Variants in BOD1L1 observed in about 807,000 individuals in gnomAD.
The protein encoded by BOD1L1 is biorientation of chromosomes in cell division protein 1-like 1.
BOD1L1 carries 86 observed loss-of-function variants against 240.7 expected under a neutral mutation model. That is an observed-to-expected ratio of 0.36 (90% confidence interval 0.30 to 0.43). The LOEUF is 0.43. Among genes scored for constraint, BOD1L1 ranks in the 20% least tolerant of loss-of-function variants. The probability of loss-of-function intolerance (pLI) is 1.00; values close to 1 mark genes in which losing one functional copy is unlikely to be tolerated. For missense variants in BOD1L1, 3,554 were observed against 3,643.5 expected (o/e 0.98, Z 0.63); for synonymous variants, 1,268 against 1,272.3 (o/e 1.00, Z 0.07).
chr4:13,619,624 G>T (rs144674123), intron 2 of BOD1L1, among the ~76,000 whole-genome samples: 1 of 152,314 alleles, frequency 6.6e-6, no homozygotes, highest in Non-Finnish European at 1.5e-5. Flanking sequence ...TTAGGGTCAA[G>T]AAAATAGTTG....
chr4:13,572,055 A>G (rs1040916809), intron 25 of BOD1L1, among the ~76,000 whole-genome samples: 1 of 152,256 alleles, frequency 6.6e-6, no homozygotes, highest in Admixed American at 6.5e-5. Context: ...ACAAATTCCT[A>G]TCTCAAGAAA....
Position 13,619,875 on chromosome 4 carries a change from C to T in BOD1L1, c.368+68G>A. On this transcript the variant is annotated intron_variant, in intron 2 of 25. Coordinates refer to ENST00000040738, the MANE Select transcript of BOD1L1 (RefSeq NM_148894.3). ...TAGGTGAACAAATATGTATGTAATG[C>T]CTCCGCTTTCAGGCAAAGTAGGTTA... The T allele has an allele frequency of 2.6e-6, 4 of 1,538,476 alleles. No individual in the cohort carries two copies. The South Asian group carries it at 3.6e-5, about 14-fold the overall frequency.
chr4:13,589,129 T>C (rs1204028132), intron 14 of BOD1L1, among the ~76,000 whole-genome samples: 1 of 152,188 alleles, frequency 6.6e-6, no homozygotes, highest in African/African-American at 2.4e-5. Flanking sequence ...TTAAGAAGCA[T>C]CACTGAAAAT....
At position 13,570,078 on chromosome 4, in the gene BOD1L1, G is replaced by A; in HGVS notation, c.9089C>T (p.Pro3030Leu). Residue 3030 changes from proline to leucine, a missense_variant, in exon 26 of 26, where the codon CCT (proline) becomes CTT (leucine). By Grantham distance (98) the Pro-to-Leu change is moderately conservative. This residue lies in a region of BOD1L1 where 3,393 missense variants were observed against 3,427.1 expected (regional missense o/e 0.99). Transcript: ENST00000040738. ...CTGGCCTCTTGTTCGGGCCCCAGGA[G>A]GGCTGACTTCTCTCTTGCGCTTGAT... Reference protein sequence around the residue: ...PSIKRKREVSPPGARTRGQQR... With the variant: ...PSIKRKREVSLPGARTRGQQR... 2 of 1,605,778 alleles carry A rather than the reference G, an allele frequency of 1.2e-6. No homozygotes were observed. The highest frequency in any genetic ancestry group is 1.7e-6 in the Non-Finnish European group (2 of 1,176,676).
intron 25 of BOD1L1, among the ~76,000 whole-genome samples, chr4:13,574,409 G>A (rs1215177729): frequency 2.0e-5 from 3 of 152,168 alleles, no homozygotes; most frequent in African/African-American, 7.2e-5. Context: ...CAACTCATTT[G>A]TAAATCAAAA....
At chr4:13,616,968 C>T (rs1038031894) in intron 2 of BOD1L1, among the ~76,000 whole-genome samples, 5 of 152,042 alleles carry the variant, frequency 3.3e-5, no homozygotes, top group African/African-American at 9.7e-5. Flanking sequence ...CAAAAAGGAC[C>T]GGGCATGGTG....
chr4:13,627,483 G>A lies in BOD1L1; in HGVS notation c.105C>T (p.Gly35=), dbSNP rs1014292958. The A allele has an allele frequency of 2.5e-4, 252 of 1,010,260 alleles. 1 individual carries two copies. The highest frequency in any genetic ancestry group is 2.9e-4 in the Non-Finnish European group (246 of 849,652). The allele number at this position is 1,010,260 out of a possible 1,614,324, so 62.6% of individuals were successfully genotyped here. Residue 35 remains glycine, a synonymous_variant, in exon 1 of 26, where the codon GGC becomes GGT. Transcript: ENST00000040738. Reference sequence around the variant, plus strand: ...CGCCGCCCGCCCCGCCCGCGCCGGGGCCAGCCCCGGGGCCCGGCGGCGGCG... The same window carrying A: ...CGCCGCCCGCCCCGCCCGCGCCGGGACCAGCCCCGGGGCCCGGCGGCGGCG... ...PPPPPPGPGA[G]PGAGGAGGAG...
chr4:13,601,624 C>G lies in BOD1L1; in HGVS notation c.5276G>C (p.Gly1759Ala), dbSNP rs754702803. ...TGCATCATTATCTCCCAGGACAACA[C>G]CTGCACCTGTAACCATGCGTTCCTC... ...PREERMVTGA[G>A]VVLGDNDAPP... The change falls in exon 10 of 26, where the codon GGT becomes GCT. Residue 1759 changes from glycine to alanine, a missense_variant. Transcript: ENST00000040738. 1.9e-6 allele frequency: 3 copies of G among 1,613,890 alleles called. No homozygotes were observed. Among genetic ancestry groups the G allele is most frequent in the Non-Finnish European group, 2.5e-6 (3 of 1,179,904 alleles).
At chr4:13,617,465 G>A (rs537576307) in intron 2 of BOD1L1, among the ~76,000 whole-genome samples, 7 of 152,230 alleles carry the variant, frequency 4.6e-5, no homozygotes, top group African/African-American at 1.4e-4. Context: ...ACTGCACTTA[G>A]CGGCCATAAC....
At chr4:13,626,487 A>G (rs758782366) in intron 1 of BOD1L1, among the ~76,000 whole-genome samples, 10 of 152,146 alleles carry the variant, frequency 6.6e-5, no homozygotes, top group Admixed American at 2.6e-4. Flanking sequence ...TTTTCCATCC[A>G]TCTCACTGAC....
At chr4:13,586,508 A>ACAAAAGCTAAAT (rs766989818) in intron 16 of BOD1L1, 33 bp from the exon 17 acceptor site, 1 of 1,424,352 alleles carries the variant, frequency 7.0e-7, no homozygotes, top group Admixed American at 1.8e-5. Flanking sequence ...TCACAAAGGA[A>ACAAAAGCTAAAT]CAAAAGCTAA....
At position 13,604,761 on chromosome 4, in the gene BOD1L1, C is replaced by G; in HGVS notation, c.2139G>C (p.Leu713Phe). The change falls in exon 10 of 26, where the codon TTG becomes TTC. Residue 713 changes from leucine to phenylalanine, a missense_variant. Leu to Phe is a conservative substitution (Grantham distance 22, BLOSUM62 0). This residue lies in a region of BOD1L1 where 3,393 missense variants were observed against 3,427.1 expected (regional missense o/e 0.99). Coordinates refer to ENST00000040738, the MANE Select transcript of BOD1L1 (RefSeq NM_148894.3). ...LKKDDSETPH[L>F]KSLLKKEVKS... The stretch of plus-strand genomic sequence containing the variant: ...TCACCTCTTTCTTAAGTAGGCTTTT[C>G]AAATGTGGTGTTTCAGAATCATCTT... 6.2e-7 allele frequency: 1 copy of G among 1,613,234 alleles called. No individual in the cohort carries two copies. The highest frequency in any genetic ancestry group is 2.2e-5 in the East Asian group (1 of 44,862).
At chr4:13,577,866 C>A in intron 22 of BOD1L1, 1 of 354,264 alleles carries the variant, frequency 2.8e-6, no homozygotes, top group Non-Finnish European at 5.0e-6. Flanking sequence ...TGCTGACCCT[C>A]AGTTTTTTCA....
Position 13,569,882 on chromosome 4 carries a change from G to A in BOD1L1, c.*129C>T. The A allele has an allele frequency of 2.0e-6, 1 of 502,776 alleles. No individual in the cohort carries two copies. The highest frequency in any genetic ancestry group is 3.4e-6 in the Non-Finnish European group (1 of 297,964). 31.1% of individuals were successfully genotyped at this position (502,776 alleles called of 1,614,324 possible). A position where few individuals can be genotyped will look rare whatever the true frequency, so the allele number is the denominator to read the frequency against. On this transcript the variant is annotated 3_prime_UTR_variant, in exon 26 of 26. Coordinates refer to ENST00000040738, the MANE Select transcript of BOD1L1 (RefSeq NM_148894.3). ...GCTGTTTAAAACATAACAAGAAAAA[G>A]CTTGCACCTAGGGACTTACAGCACA... is the stretch of plus-strand genomic sequence containing the variant.
intron 10 of BOD1L1, 45 bp downstream of exon 10, chr4:13,598,901 C>A: frequency 6.5e-7 from 1 of 1,536,208 alleles, no homozygotes. Flanking sequence ...GTTGTACAAT[C>A]ATCCTTGTAA....
Position 13,602,860 on chromosome 4 carries a change from C to T in BOD1L1, c.4040G>A (p.Gly1347Asp), listed in dbSNP as rs551371879. 1.2e-5 allele frequency: 20 copies of T among 1,614,040 alleles called. No homozygotes were observed. In the South Asian group the frequency reaches 1.6e-4, roughly 13 times the overall value. Reference protein sequence around the residue: ...VLKTSDSKEGGEGFTVDTPAK... With the variant: ...VLKTSDSKEGDEGFTVDTPAK... ...TGGTGTATCTACTGTGAAACCTTCA[C>T]CACCTTCTTTGCTGTCACTTGTCTT... Residue 1347 changes from glycine (G) to aspartate (D), a missense_variant, in exon 10 of 26, where the codon GGT (glycine) becomes GAT (aspartate). Gly to Asp is a moderately conservative substitution (Grantham distance 94). Transcript: ENST00000040738.
chr4:13,602,150 T>G lies in BOD1L1; in HGVS notation c.4750A>C (p.Thr1584Pro), dbSNP rs760286201. The change falls in exon 10 of 26, where the codon ACT (threonine) becomes CCT (proline). Residue 1584 changes from threonine to proline, a missense_variant. Physicochemically the swap from Thr to Pro is conservative, Grantham distance 38. Transcript: ENST00000040738. ...LHVGAEASEC[T>P]VFAAAEEGGA... ...CCTTCTTCAGCTGCAGCAAAAACAG[T>G]GCATTCACTGGCTTCTGCACCAACA... 7 of 1,613,970 alleles carry G rather than the reference T, an allele frequency of 4.3e-6. No individual in the cohort carries two copies. The highest frequency in any genetic ancestry group is 5.1e-6 in the Non-Finnish European group (6 of 1,179,882).
intron 12 of BOD1L1, chr4:13,593,273 T>C (rs1714359458): frequency 6.6e-6 from 1 of 152,080 alleles, no homozygotes; most frequent in Non-Finnish European, 1.5e-5. Flanking sequence ...GTAAAACACA[T>C]GTAGTGATAT....
intron 21 of BOD1L1, among the ~76,000 whole-genome samples, chr4:13,580,703 T>C (rs1021883000): frequency 7.2e-5 from 11 of 152,214 alleles, no homozygotes; most frequent in Non-Finnish European, 1.5e-4. Flanking sequence ...CACAAGTCTC[T>C]ATAAAGAAGC....
Sources: gnomAD v4.1 joint callset for allele counts (sites outside exome capture counted in the v4.1 genomes callset) on GRCh38, gnomAD v4.1.1 for gene constraint, gnomAD v4.1.1 regional missense constraint, MANE v1.5 for transcripts, NCBI Gene and HGNC (gene_info 2026-07-23, HGNC 2026-07-21) for gene names.